The following SUMF1 variants were observed in gnomAD, a reference collection of about 807,000 sequenced individuals.
SUMF1 encodes sulfatase modifying factor 1, also known as formylglycine-generating enzyme.
Under a neutral mutation model 47.6 loss-of-function variants are expected in SUMF1, and 48 were observed. The observed-to-expected ratio is 1.01, with a 90% CI of 0.80 to 1.28. The LOEUF (loss-of-function observed/expected upper bound fraction) is 1.28. Among genes scored for constraint, SUMF1 ranks in the 50% most tolerant of loss-of-function variants. SUMF1 has a pLI of 0.00. For missense variants in SUMF1, 571 were observed against 485.4 expected, an observed-to-expected ratio of 1.18 and a Z score of -1.66; for synonymous variants, 230 against 192.1, an observed-to-expected ratio of 1.20 and a Z score of -1.63.
At chr3:4,311,050 A>G (rs1698386259) in intron 8 of SUMF1, among the ~76,000 whole-genome samples, 1 of 152,164 alleles carries the variant, frequency 6.6e-6, no homozygotes, top group African/African-American at 2.4e-5. Flanking sequence ...TATTCCTGCT[A>G]AGCTAAAGCT....
In SUMF1 at chr3:4,460,649, C is replaced by CAT. The variant is rs759515438; in HGVS notation, c.270+6325_270+6326dup. ...GAGAGTGTGTGTGTGTATATATATA[C>CAT]ATATATATATATATATATTTTTTAA... On this transcript the variant is annotated intron_variant, in intron 1 of 8. Coordinates refer to ENST00000272902, the MANE Select transcript of SUMF1 (RefSeq NM_182760.4). Among the ~76,000 whole-genome samples the CAT allele has an allele frequency of 4.5e-3, 645 of 141,948 alleles. 4 individuals carry two copies. The highest frequency in any genetic ancestry group is 0.024 in the East Asian group (120 of 4,948). 93.1% of individuals were successfully genotyped at this position (141,948 alleles called of 152,430 possible). A position where few individuals can be genotyped will look rare whatever the true frequency, so the allele number is the denominator to read the frequency against.
chr3:4,320,960 A>T (rs747586477), intron 8 of SUMF1, among the ~76,000 whole-genome samples: 13 of 152,150 alleles, frequency 8.5e-5, no homozygotes, highest in Non-Finnish European at 1.6e-4. Flanking sequence ...ATGTTAAAGG[A>T]CCATACGTTG....
intron 8 of SUMF1, among the ~76,000 whole-genome samples, chr3:4,236,025 C>T (rs1696400560): frequency 1.3e-5 from 2 of 152,142 alleles, no homozygotes; most frequent in South Asian, 4.1e-4. Flanking sequence ...TCACCATAAC[C>T]TCTACCTACC....
chr3:4,143,910 A>G (rs1458791514), intron 8 of SUMF1, among the ~76,000 whole-genome samples: 2 of 151,112 alleles, frequency 1.3e-5, no homozygotes, highest in Non-Finnish European at 3.0e-5. Context: ...AGCCACGGTG[A>G]TATGTACGCA....
intron 8 of SUMF1, among the ~76,000 whole-genome samples, chr3:4,281,602 T>G (rs1036881810): frequency 6.6e-6 from 1 of 152,140 alleles, no homozygotes; most frequent in Non-Finnish European, 1.5e-5. Flanking sequence ...GAGAGATGTT[T>G]ACAGTTCAGG....
chr3:4,239,885 C>G (rs1002702548), intron 8 of SUMF1, among the ~76,000 whole-genome samples: 7 of 152,112 alleles, frequency 4.6e-5, no homozygotes, highest in Non-Finnish European at 1.0e-4. Context: ...TTTGCCCATT[C>G]AGTATGATAT....
chr3:4,082,373 T>C (rs976045064), intron 8 of SUMF1, among the ~76,000 whole-genome samples: 2 of 151,826 alleles, frequency 1.3e-5, no homozygotes, highest in African/African-American at 2.4e-5. Context: ...AGAGGCTGAA[T>C]TGGGAGAATC....
At chr3:4,039,209 ATTT>A (rs775459424) in intron 9 of SUMF1, among the ~76,000 whole-genome samples, 58 of 39,498 alleles carry the variant, frequency 1.5e-3, no homozygotes, top group African/African-American at 4.1e-3. Flanking sequence ...ATCTATGCAA[ATTT>A]TTTTTTTTTT....
intron 8 of SUMF1, among the ~76,000 whole-genome samples, chr3:4,213,239 G>C (rs549076175): frequency 3.3e-5 from 5 of 152,298 alleles, no homozygotes; most frequent in Admixed American, 3.3e-4. Context: ...CAAGCCAGAA[G>C]AGAGTGGGGG....
At chr3:4,302,500 T>C (rs1299315893) in intron 8 of SUMF1, among the ~76,000 whole-genome samples, 1 of 152,116 alleles carries the variant, frequency 6.6e-6, no homozygotes, top group Non-Finnish European at 1.5e-5. Flanking sequence ...TTGTAAATGT[T>C]TCTTATCAGA....
intron 8 of SUMF1, among the ~76,000 whole-genome samples, chr3:4,228,621 T>C (rs534235253): frequency 6.6e-5 from 10 of 152,100 alleles, no homozygotes; most frequent in Non-Finnish European, 1.5e-4. Flanking sequence ...GAAAATGTGG[T>C]TACTGAGAAG....
At chr3:4,312,949 A>G (rs192705193) in intron 8 of SUMF1, 2 of 1,613,928 alleles carry the variant, frequency 1.2e-6, no homozygotes, top group East Asian at 2.2e-5. Context: ...TCCCACTCAA[A>G]TAACCTTTCC....
At chr3:4,450,252 C>A (rs1025530820) in intron 2 of SUMF1, among the ~76,000 whole-genome samples, 13 of 152,192 alleles carry the variant, frequency 8.5e-5, no homozygotes, top group Non-Finnish European at 1.9e-4. Context: ...CTTTGAGATA[C>A]ACTGATCGAT....
chr3:4,393,124 C>G (rs569931037), intron 7 of SUMF1, among the ~76,000 whole-genome samples: 2 of 152,138 alleles, frequency 1.3e-5, no homozygotes, highest in Non-Finnish European at 2.9e-5. Flanking sequence ...CGCGATCTCC[C>G]TGTTAAATTT....
At chr3:4,054,402 C>CT (rs1356684488) in intron 9 of SUMF1, among the ~76,000 whole-genome samples, 1 of 152,134 alleles carries the variant, frequency 6.6e-6, no homozygotes, top group East Asian at 1.9e-4. Context: ...GAAAACCTTG[C>CT]TGACAACAGC....
intron 7 of SUMF1, among the ~76,000 whole-genome samples, chr3:4,400,002 A>G (rs1701158976): frequency 6.6e-6 from 1 of 152,156 alleles, no homozygotes; most frequent in Non-Finnish European, 1.5e-5. Context: ...CCTTCCCAAG[A>G]TGCTGGGATT....
chr3:4,094,510 T>A (rs1692858263), intron 8 of SUMF1, among the ~76,000 whole-genome samples: 1 of 152,084 alleles, frequency 6.6e-6, no homozygotes, highest in African/African-American at 2.4e-5. Context: ...GAGGTCAGGA[T>A]GTAAGCTAGG....
At chr3:4,125,995 C>T (rs1162534935) in intron 8 of SUMF1, among the ~76,000 whole-genome samples, 1 of 151,974 alleles carries the variant, frequency 6.6e-6, no homozygotes, top group Non-Finnish European at 1.5e-5. Context: ...TTATTAAGCC[C>T]ATGCTAGTGC....
At chr3:4,275,474 A>G (rs184060359) in intron 8 of SUMF1, among the ~76,000 whole-genome samples, 5 of 152,262 alleles carry the variant, frequency 3.3e-5, no homozygotes, top group South Asian at 4.1e-4. Flanking sequence ...TGCATTCTTC[A>G]TAAGACCAAG....
Sources: gnomAD v4.1 joint callset for allele counts (sites outside exome capture counted in the v4.1 genomes callset) on GRCh38, gnomAD v4.1.1 for gene constraint, MANE v1.5 for transcripts, NCBI Gene and HGNC (gene_info 2026-07-23, HGNC 2026-07-21) for gene names.